The following C1orf21 variants were observed in gnomAD, a reference collection of about 807,000 sequenced individuals.
C1orf21 encodes the protein uncharacterized protein C1orf21.
A neutral mutation model predicts 18.7 loss-of-function variants in C1orf21; 3 were observed. The ratio of observed to expected loss-of-function variants is 0.16; its 90% CI spans 0.07 to 0.42. The LOEUF is 0.42. Ranked by LOEUF, C1orf21 falls within the 10% of genes least tolerant of loss-of-function variation. The probability of loss-of-function intolerance (pLI) is 0.99; values close to 1 mark genes in which losing one functional copy is unlikely to be tolerated. For synonymous variants in C1orf21, 41 were observed against 46.4 expected (o/e 0.88, Z 0.47); for missense variants, 104 against 143.6 (o/e 0.72, Z 1.41).
chr1:184,456,867 A>G (rs1270387896), intron 1 of C1orf21, among the ~76,000 whole-genome samples: 4 of 152,214 alleles, frequency 2.6e-5, no homozygotes, highest in South Asian at 4.1e-4. Context: ...CCTTTCATAT[A>G]TGTATTCTTA....
chr1:184,517,463 A>G (rs1386861651), intron 3 of C1orf21, among the ~76,000 whole-genome samples: 1 of 152,198 alleles, frequency 6.6e-6, no homozygotes, highest in Non-Finnish European at 1.5e-5. Context: ...AATGCAAAAG[A>G]CCATGACTTT....
intron 3 of C1orf21, among the ~76,000 whole-genome samples, chr1:184,529,430 A>G (rs1571400353): frequency 6.6e-6 from 1 of 152,284 alleles, no homozygotes; most frequent in East Asian, 1.9e-4. Context: ...CATGGAGGAG[A>G]AGAACAATCA....
At chr1:184,466,092 G>T (rs1042186197) in intron 1 of C1orf21, among the ~76,000 whole-genome samples, 2 of 152,156 alleles carry the variant, frequency 1.3e-5, no homozygotes, top group Non-Finnish European at 2.9e-5. Flanking sequence ...GGAGAACATT[G>T]GCTGATTTAA....
intron 2 of C1orf21, among the ~76,000 whole-genome samples, chr1:184,507,292 A>G (rs1026305182): frequency 6.6e-6 from 1 of 152,192 alleles, no homozygotes; most frequent in Admixed American, 6.5e-5. Flanking sequence ...AAAAGTCTTT[A>G]GAGATGGAGT....
chr1:184,409,632 C>A (rs920987310), intron 1 of C1orf21, among the ~76,000 whole-genome samples: 5 of 152,182 alleles, frequency 3.3e-5, no homozygotes, highest in Non-Finnish European at 7.3e-5. Context: ...CATGTCCTGC[C>A]TCATTTGTAG....
chr1:184,431,696 G>A (rs1328867816), intron 1 of C1orf21, among the ~76,000 whole-genome samples: 1 of 152,072 alleles, frequency 6.6e-6, no homozygotes, highest in Non-Finnish European at 1.5e-5. Context: ...TACAGAATGG[G>A]AGAAAATTTT....
intron 2 of C1orf21, among the ~76,000 whole-genome samples, chr1:184,489,082 A>C (rs1406290572): frequency 6.6e-6 from 1 of 152,222 alleles, no homozygotes; most frequent in Non-Finnish European, 1.5e-5. Flanking sequence ...ATACCAAAAG[A>C]AAAAGTTTGT....
chr1:184,587,091 G>T (rs1659364858), intron 3 of C1orf21, among the ~76,000 whole-genome samples: 1 of 152,158 alleles, frequency 6.6e-6, no homozygotes, highest in Admixed American at 6.5e-5. Context: ...TCAGATAGTT[G>T]TAGGTGTACA....
At chr1:184,536,848 GA>G (rs35408747) in intron 3 of C1orf21, among the ~76,000 whole-genome samples, 161 of 145,012 alleles carry the variant, frequency 1.1e-3, no homozygotes, top group Middle Eastern at 3.5e-3. Flanking sequence ...TTCTTTTGTG[GA>G]AAAAAAAAAA....
chr1:184,490,368 A>G (rs1001226750), intron 2 of C1orf21, among the ~76,000 whole-genome samples: 3 of 152,228 alleles, frequency 2.0e-5, no homozygotes, highest in African/African-American at 7.2e-5. Context: ...GGAGTGGGGG[A>G]AGACTTGTAA....
intron 1 of C1orf21, among the ~76,000 whole-genome samples, chr1:184,441,118 A>C (rs915303760): frequency 1.3e-5 from 2 of 152,210 alleles, no homozygotes; most frequent in Non-Finnish European, 2.9e-5. Context: ...TCTTTTGGTT[A>C]GTGGAAATTT....
intron 2 of C1orf21, among the ~76,000 whole-genome samples, chr1:184,505,851 G>A (rs751182652): frequency 6.6e-6 from 1 of 151,890 alleles, no homozygotes; most frequent in Non-Finnish European, 1.5e-5. Context: ...TGAAGTTAGG[G>A]AGGCCCATTT....
intron 1 of C1orf21, among the ~76,000 whole-genome samples, chr1:184,473,864 G>A (rs1203951911): frequency 6.6e-6 from 1 of 152,064 alleles, no homozygotes; most frequent in African/African-American, 2.4e-5. Flanking sequence ...GATCATTCTT[G>A]TTCTATAGGG....
chr1:184,409,165 A>C (rs1315180734), intron 1 of C1orf21, among the ~76,000 whole-genome samples: 6 of 152,150 alleles, frequency 3.9e-5, no homozygotes, highest in Non-Finnish European at 8.8e-5. Flanking sequence ...CTGGGCCAGC[A>C]GTTGCCTAGA....
intron 2 of C1orf21, among the ~76,000 whole-genome samples, chr1:184,499,089 C>A (rs1027241634): frequency 6.6e-6 from 1 of 152,054 alleles, no homozygotes; most frequent in African/African-American, 2.4e-5. Flanking sequence ...CATTTATCCT[C>A]CTCCTCCTCC....
At chr1:184,475,769 G>GTGTA (rs1384560448) in intron 1 of C1orf21, among the ~76,000 whole-genome samples, 4 of 151,556 alleles carry the variant, frequency 2.6e-5, no homozygotes. Flanking sequence ...GTGTGTGTGT[G>GTGTA]TGTGTGTGTG....
In C1orf21 at chr1:184,624,040, A is replaced by G. The variant is rs1659966734; in HGVS notation, c.*4484A>G. On this transcript the variant is annotated 3_prime_UTR_variant, in exon 6 of 6. Coordinates refer to ENST00000235307, the MANE Select transcript of C1orf21 (RefSeq NM_030806.4). Reference sequence around the variant, plus strand: ...CATGATAATCCTGTGAAGTAGATCTATTACCCCCGTGTTCTAAATAATAGA... The same window carrying G: ...CATGATAATCCTGTGAAGTAGATCTGTTACCCCCGTGTTCTAAATAATAGA... The G allele has an allele frequency of 6.6e-6, 1 of 152,654 alleles. No individual in the cohort carries two copies. The highest frequency in any genetic ancestry group is 1.5e-5 in the Non-Finnish European group (1 of 68,040). The allele number at this position is 152,654 out of a possible 1,614,324, so 9.5% of individuals were successfully genotyped here.
intron 3 of C1orf21, chr1:184,546,177 G>A (rs1279820260): frequency 1.3e-5 from 2 of 152,278 alleles, no homozygotes; most frequent in Non-Finnish European, 2.9e-5. Context: ...GCTCACACCT[G>A]TAATCCTAGC....
intron 1 of C1orf21, among the ~76,000 whole-genome samples, chr1:184,427,826 A>G (rs1437780979): frequency 6.6e-6 from 1 of 152,028 alleles, no homozygotes; most frequent in Non-Finnish European, 1.5e-5. Context: ...CACCCTCCAC[A>G]TACTTTCCTG....
Sources: allele counts gnomAD v4.1 joint callset (sites outside exome capture counted in the v4.1 genomes callset), GRCh38; gene constraint gnomAD v4.1.1; transcripts MANE v1.5; gene names NCBI Gene and HGNC (gene_info 2026-07-23, HGNC 2026-07-21).